The following LEKR1 variants were observed in gnomAD, a reference collection of about 807,000 sequenced individuals.
LEKR1 encodes the protein leucine, glutamate and lysine rich 1, also known as protein LEKR1.
LEKR1 carries 59 observed loss-of-function variants against 72.4 expected under a neutral mutation model. The ratio of observed to expected loss-of-function variants is 0.82; its 90% CI spans 0.66 to 1.01. The LOEUF (loss-of-function observed/expected upper bound fraction) is 1.01. Ranked by LOEUF, LEKR1 falls within the 50% of genes least tolerant of loss-of-function variation. The probability of loss-of-function intolerance (pLI) is 0.00; values close to 1 mark genes in which losing one functional copy is unlikely to be tolerated. For synonymous variants in LEKR1, 257 were observed against 263.2 expected (o/e 0.98, Z 0.23); for missense variants, 728 against 759.2 (o/e 0.96, Z 0.48).
chr3:156,905,805 T>A (rs1317206089), intron 3 of LEKR1, among the ~76,000 whole-genome samples: 5 of 152,216 alleles, frequency 3.3e-5, no homozygotes. Context: ...CCACTTCTCA[T>A]AATTGGCAGT....
intron 12 of LEKR1, among the ~76,000 whole-genome samples, chr3:157,041,092 C>T (rs1735307870): frequency 6.6e-6 from 1 of 152,104 alleles, no homozygotes; most frequent in Non-Finnish European, 1.5e-5. Context: ...TTCATTTTGA[C>T]ATTTTCCTTC....
chr3:156,970,529 G>A (rs114156531), intron 6 of LEKR1, among the ~76,000 whole-genome samples: 96 of 152,104 alleles, frequency 6.3e-4, no homozygotes, highest in African/African-American at 2.0e-3. Flanking sequence ...AAGGGATCTA[G>A]TTGGGAAAAG....
intron 6 of LEKR1, among the ~76,000 whole-genome samples, chr3:156,959,865 T>C (rs1357337401): frequency 6.6e-6 from 1 of 152,230 alleles, no homozygotes; most frequent in Non-Finnish European, 1.5e-5. Flanking sequence ...TATTTCTTAC[T>C]TTTGAATTCA....
intron 5 of LEKR1, among the ~76,000 whole-genome samples, chr3:156,928,774 G>A (rs1724955387): frequency 6.6e-6 from 1 of 152,020 alleles, no homozygotes; most frequent in South Asian, 2.1e-4. Context: ...AACTAAAGTA[G>A]TTGATATTTT....
chr3:156,935,608 T>A (rs1341285574), intron 5 of LEKR1, among the ~76,000 whole-genome samples: 1 of 152,126 alleles, frequency 6.6e-6, no homozygotes, highest in Non-Finnish European at 1.5e-5. Flanking sequence ...AAAAAATAAA[T>A]TGAATGTAAT....
intron 3 of LEKR1, among the ~76,000 whole-genome samples, chr3:156,899,517 T>G (rs1209755105): frequency 4.0e-5 from 4 of 99,628 alleles, no homozygotes; most frequent in Non-Finnish European, 7.7e-5. Context: ...TATATATACA[T>G]ACATACATAT....
intron 3 of LEKR1, among the ~76,000 whole-genome samples, chr3:156,879,058 G>A (rs1718967839): frequency 6.6e-6 from 1 of 152,150 alleles, no homozygotes; most frequent in Non-Finnish European, 1.5e-5. Context: ...GGTACCGGTA[G>A]AGTGGGTCAC....
At chr3:157,015,125 G>T (rs1452384593) in intron 10 of LEKR1, among the ~76,000 whole-genome samples, 1 of 152,144 alleles carries the variant, frequency 6.6e-6, no homozygotes, top group Non-Finnish European at 1.5e-5. Flanking sequence ...TGCCCTGAAA[G>T]AAATTTCAGG....
chr3:156,842,924 G>T (rs1443679484), intron 2 of LEKR1, among the ~76,000 whole-genome samples: 1 of 152,116 alleles, frequency 6.6e-6, no homozygotes, highest in Non-Finnish European at 1.5e-5. Flanking sequence ...AGCGGCCCAT[G>T]GGCTAGACAG....
At chr3:156,844,840 A>G (rs891601461) in intron 2 of LEKR1, among the ~76,000 whole-genome samples, 2 of 151,350 alleles carry the variant, frequency 1.3e-5, no homozygotes, top group Non-Finnish European at 2.9e-5. Context: ...TTATGTGAAC[A>G]TACATTTTCA....
intron 12 of LEKR1, among the ~76,000 whole-genome samples, chr3:157,032,212 C>G (rs1028420557): frequency 2.0e-5 from 3 of 152,122 alleles, no homozygotes; most frequent in Non-Finnish European, 2.9e-5. Context: ...ACAGTCAAGA[C>G]AGTGTGACCC....
At chr3:156,941,556 A>T (rs1726206354) in intron 5 of LEKR1, among the ~76,000 whole-genome samples, 1 of 152,070 alleles carries the variant, frequency 6.6e-6, no homozygotes, top group East Asian at 1.9e-4. Flanking sequence ...AGAGCAATAA[A>T]CGAAACCAAC....
chr3:156,971,677 G>A (rs1038470901), intron 6 of LEKR1, among the ~76,000 whole-genome samples: 16 of 152,012 alleles, frequency 1.1e-4, no homozygotes, highest in African/African-American at 9.6e-5. Context: ...AAAAGTGGGC[G>A]AAGGATATGA....
At chr3:156,896,718 T>G (rs964205735) in intron 3 of LEKR1, among the ~76,000 whole-genome samples, 4 of 152,198 alleles carry the variant, frequency 2.6e-5, no homozygotes, top group Non-Finnish European at 5.9e-5. Flanking sequence ...ATATAAATCG[T>G]TCTACCATTT....
intron 6 of LEKR1, among the ~76,000 whole-genome samples, chr3:156,943,197 A>C (rs1460517459): frequency 1.3e-5 from 2 of 152,008 alleles, no homozygotes; most frequent in African/African-American, 4.8e-5. Flanking sequence ...GTAAGGGATC[A>C]ATAAAATAGG....
chr3:157,040,186 T>A (rs1735247921), intron 12 of LEKR1, among the ~76,000 whole-genome samples: 1 of 152,244 alleles, frequency 6.6e-6, no homozygotes, highest in Non-Finnish European at 1.5e-5. Flanking sequence ...TAGTGCTAGT[T>A]AAATTTTGTA....
At chr3:156,942,790 A>C in intron 6 of LEKR1, 76 bp downstream of exon 6, 1 of 612,680 alleles carries the variant, frequency 1.6e-6, no homozygotes, top group Non-Finnish European at 2.4e-6. Context: ...TTTTACTTAT[A>C]ATTACAACAA....
intron 11 of LEKR1, 88 bp downstream of exon 11, chr3:157,025,012 A>G (rs531869813): frequency 1.2e-6 from 1 of 853,126 alleles, no homozygotes; most frequent in South Asian, 1.9e-5. Context: ...AGTATTTATA[A>G]TTCCAGTAGC....
At chr3:156,856,757 G>T (rs1560029126) in intron 3 of LEKR1, among the ~76,000 whole-genome samples, 1 of 151,820 alleles carries the variant, frequency 6.6e-6, no homozygotes, top group African/African-American at 2.4e-5. Flanking sequence ...CTTCCTCATT[G>T]AATTCTTTTA....
Sources: allele counts gnomAD v4.1 joint callset (sites outside exome capture counted in the v4.1 genomes callset), GRCh38; gene constraint gnomAD v4.1.1; transcripts MANE v1.5; gene names NCBI Gene and HGNC (gene_info 2026-07-23, HGNC 2026-07-21).